The following IKZF2 variants were observed in gnomAD, a reference collection of about 807,000 sequenced individuals.
IKZF2 encodes the protein IKAROS family zinc finger 2.
Under a neutral mutation model 49.2 loss-of-function variants are expected in IKZF2, and 15 were observed. That is an observed-to-expected ratio of 0.30 (90% confidence interval 0.20 to 0.47). IKZF2 has a LOEUF of 0.47. Among genes scored for constraint, IKZF2 ranks in the 20% least tolerant of loss-of-function variants. IKZF2 has a pLI of 1.00. For missense variants in IKZF2, 567 were observed against 664.6 expected, an observed-to-expected ratio of 0.85 and a Z score of 1.61; for synonymous variants, 227 against 221.4, an observed-to-expected ratio of 1.03 and a Z score of -0.23.
chr2:213,103,618 T>C (rs1237865272), intron 4 of IKZF2, among the ~76,000 whole-genome samples: 1 of 152,190 alleles, frequency 6.6e-6, no homozygotes, highest in African/African-American at 2.4e-5. Context: ...AATGTCTTCT[T>C]ACAATAAAAC....
intron 4 of IKZF2, among the ~76,000 whole-genome samples, chr2:213,068,969 GA>G: frequency 6.8e-6 from 1 of 147,476 alleles, no homozygotes; most frequent in Non-Finnish European, 1.5e-5. Flanking sequence ...ACTTTAAAAA[GA>G]AAAAAGAAGT....
At chr2:213,079,983 A>C (rs1703750054) in intron 4 of IKZF2, among the ~76,000 whole-genome samples, 1 of 152,200 alleles carries the variant, frequency 6.6e-6, no homozygotes, top group Non-Finnish European at 1.5e-5. Context: ...CAATTACCTA[A>C]TCTGATAAAC....
At position 213,007,572 on chromosome 2, in the gene IKZF2, T is replaced by A. The variant is rs1273730706; in HGVS notation, c.1369A>T (p.Ile457Phe). Reference sequence around the variant, plus strand: ...CCTTCTCCATTGAAGACCTTGTAGATGTCCTTCAGAGAGCCCTTAGGAGCC... The same window carrying A: ...CCTTCTCCATTGAAGACCTTGTAGAAGTCCTTCAGAGAGCCCTTAGGAGCC... Reference protein sequence around the residue: ...TKAPKGSLKDIYKVFNGEGEQ... With the variant: ...TKAPKGSLKDFYKVFNGEGEQ... The change falls in exon 9 of 9, where the codon ATC becomes TTC. Residue 457 changes from isoleucine to phenylalanine, a missense_variant. Around this residue, in one of 5 missense-constraint regions of IKZF2, gnomAD observed 310 missense variants for 326.9 expected, o/e 0.95. Transcript: ENST00000434687. The A allele has an allele frequency of 5.6e-6, 9 of 1,613,610 alleles. No homozygotes were observed. The highest frequency in any genetic ancestry group is 7.6e-6 in the Non-Finnish European group (9 of 1,179,746).
chr2:213,149,430 A>C (rs995024776), intron 2 of IKZF2, among the ~76,000 whole-genome samples: 1 of 152,216 alleles, frequency 6.6e-6, no homozygotes, highest in Non-Finnish European at 1.5e-5. Flanking sequence ...AACAAAAGTA[A>C]ACTGTATGAG....
intron 4 of IKZF2, among the ~76,000 whole-genome samples, chr2:213,084,606 G>GAA (rs11450425): frequency 0.032 from 4,803 of 149,634 alleles, 161 homozygotes; most frequent in African/African-American, 0.081. Flanking sequence ...AAAAGAAATT[G>GAA]AAAAAAAAAA....
chr2:213,016,399 A>C (rs1178727101), intron 7 of IKZF2, among the ~76,000 whole-genome samples: 1 of 152,076 alleles, frequency 6.6e-6, no homozygotes, highest in Non-Finnish European at 1.5e-5. Context: ...TTGAGCATTG[A>C]CTTTTTGTAA....
At chr2:213,127,803 C>T (rs143083137) in intron 4 of IKZF2, among the ~76,000 whole-genome samples, 104 of 152,240 alleles carry the variant, frequency 6.8e-4, no homozygotes, top group Admixed American at 2.5e-3. Flanking sequence ...AGAATTATAA[C>T]TGCAATTTTT....
intron 4 of IKZF2, among the ~76,000 whole-genome samples, chr2:213,110,768 C>T (rs1030742862): frequency 4.6e-5 from 7 of 151,864 alleles, no homozygotes; most frequent in African/African-American, 1.7e-4. Flanking sequence ...CATAAAAGGC[C>T]CTGTTTCCTT....
chr2:213,135,589 T>A (rs1183107046), intron 4 of IKZF2, among the ~76,000 whole-genome samples: 2 of 149,574 alleles, frequency 1.3e-5, no homozygotes, highest in Non-Finnish European at 3.0e-5. Flanking sequence ...CCCCAGATAC[T>A]TGAGAAGATT....
chr2:213,132,590 A>AT (rs2060510305), intron 4 of IKZF2, among the ~76,000 whole-genome samples: 1 of 152,240 alleles, frequency 6.6e-6, no homozygotes, highest in Admixed American at 6.5e-5. Context: ...ATAGAGCACC[A>AT]TAAGTATGGA....
intron 6 of IKZF2, among the ~76,000 whole-genome samples, chr2:213,025,389 C>T (rs1022603079): frequency 2.6e-5 from 4 of 152,060 alleles, no homozygotes; most frequent in Non-Finnish European, 5.9e-5. Context: ...CTGAGTGAAT[C>T]CCTTCCCTAC....
chr2:213,100,026 T>C (rs1475076965), intron 4 of IKZF2, among the ~76,000 whole-genome samples: 1 of 152,122 alleles, frequency 6.6e-6, no homozygotes, highest in African/African-American at 2.4e-5. Flanking sequence ...GGGTTTTTGA[T>C]ATGTTTATAT....
chr2:213,031,280 C>T (rs1265775550), intron 6 of IKZF2, among the ~76,000 whole-genome samples: 1 of 152,230 alleles, frequency 6.6e-6, no homozygotes. Flanking sequence ...AATGTCATTC[C>T]TGCATCCACA....
At chr2:213,118,322 T>C (rs192070517) in intron 4 of IKZF2, among the ~76,000 whole-genome samples, 1 of 152,300 alleles carries the variant, frequency 6.6e-6, no homozygotes, top group East Asian at 1.9e-4. Context: ...ACTGTGGAAA[T>C]AATTAAATGA....
At chr2:213,025,957 A>C (rs948555518) in intron 6 of IKZF2, among the ~76,000 whole-genome samples, 2 of 152,060 alleles carry the variant, frequency 1.3e-5, no homozygotes, top group Admixed American at 1.3e-4. Context: ...GGCCTTCATT[A>C]TTGCTCACCT....
intron 4 of IKZF2, among the ~76,000 whole-genome samples, chr2:213,123,803 C>T (rs1344499522): frequency 2.6e-5 from 4 of 151,992 alleles, no homozygotes; most frequent in African/African-American, 9.7e-5. Context: ...CATCATTCCT[C>T]AGAAGAAATG....
At chr2:213,085,594 A>G (rs1219846492) in intron 4 of IKZF2, among the ~76,000 whole-genome samples, 2 of 152,232 alleles carry the variant, frequency 1.3e-5, no homozygotes, top group Admixed American at 1.3e-4. Flanking sequence ...TGGTGTAATA[A>G]AAGAATGAGA....
At chr2:213,089,937 G>A (rs762068927) in intron 4 of IKZF2, among the ~76,000 whole-genome samples, 133 of 152,280 alleles carry the variant, frequency 8.7e-4, no homozygotes, top group Non-Finnish European at 1.6e-3. Context: ...GACACTTCCT[G>A]ATACTCTGGG....
At chr2:213,126,758 A>G (rs932380035) in intron 4 of IKZF2, among the ~76,000 whole-genome samples, 2 of 152,202 alleles carry the variant, frequency 1.3e-5, no homozygotes, top group African/African-American at 2.4e-5. Flanking sequence ...TAATTTCCTC[A>G]TTTCCAATAC....
Sources: gnomAD v4.1 joint callset for allele counts (sites outside exome capture counted in the v4.1 genomes callset) on GRCh38, gnomAD v4.1.1 for gene constraint, gnomAD v4.1.1 regional missense constraint, MANE v1.5 for transcripts, NCBI Gene and HGNC (gene_info 2026-07-23, HGNC 2026-07-21) for gene names.